The following ATF2 variants were observed in gnomAD, a reference collection of about 807,000 sequenced individuals.
ATF2 encodes the protein activating transcription factor 2, also known as cyclic AMP-dependent transcription factor ATF-2.
In ATF2, 24 loss-of-function variants were observed where a neutral mutation model predicts 60.6. That is an observed-to-expected ratio of 0.40 (90% CI 0.29 to 0.56). The LOEUF is 0.56. Ranked by LOEUF, ATF2 falls within the 20% of genes least tolerant of loss-of-function variation. ATF2 has a pLI of 0.54. For missense variants in ATF2, 433 were observed against 607.7 expected (o/e 0.71, Z 3.02); for synonymous variants, 206 against 215.4 (o/e 0.96, Z 0.38).
intron 1 of ATF2, among the ~76,000 whole-genome samples, chr2:175,157,046 A>T (rs905261380): frequency 1.3e-5 from 2 of 152,212 alleles, no homozygotes; most frequent in Non-Finnish European, 2.9e-5. Flanking sequence ...AAATTCACAT[A>T]AAGTTTCTAA....
At position 175,110,111 on chromosome 2, in the gene ATF2, G is replaced by A. The variant is rs574364371; in HGVS notation, c.828+1457C>T. 1.8e-3 allele frequency among the ~76,000 whole-genome samples: 275 copies of A among 152,182 alleles called. 2 individuals carry two copies. The highest frequency in any genetic ancestry group is 5.3e-3 in the African/African-American group (218 of 41,514). On this transcript the variant is annotated intron_variant, in intron 10 of 13. Transcript: ENST00000264110. ...CAACACTTTGGGAGGCTGGGGAGGG[G>A]GGATCACGAGGTCAGGAGTTCGAGA...
intron 2 of ATF2, among the ~76,000 whole-genome samples, chr2:175,146,453 A>G (rs1401292891): frequency 1.3e-5 from 2 of 152,198 alleles, no homozygotes; most frequent in Admixed American, 1.3e-4. Context: ...TTGTAACAGA[A>G]TGTCTTATTG....
At chr2:175,120,583 G>A (rs1310936335) in intron 5 of ATF2, among the ~76,000 whole-genome samples, 1 of 151,606 alleles carries the variant, frequency 6.6e-6, no homozygotes, top group Non-Finnish European at 1.5e-5. Flanking sequence ...GTATTTGGGT[G>A]TAATTCCAGA....
intron 1 of ATF2, among the ~76,000 whole-genome samples, chr2:175,162,449 C>G (rs910420514): frequency 1.3e-5 from 2 of 152,214 alleles, no homozygotes; most frequent in African/African-American, 4.8e-5. Context: ...AGGCAAAAAT[C>G]TGGCAACTGT....
intron 12 of ATF2, among the ~76,000 whole-genome samples, chr2:175,086,692 A>T (rs2105563975): frequency 6.6e-6 from 1 of 152,252 alleles, no homozygotes; most frequent in East Asian, 1.9e-4. Context: ...TACAGGAGTG[A>T]GCCACTGCTC....
intron 1 of ATF2, among the ~76,000 whole-genome samples, chr2:175,154,251 AT>A (rs1553515967): frequency 6.7e-6 from 1 of 148,892 alleles, no homozygotes; most frequent in South Asian, 2.1e-4. Flanking sequence ...ATATATATAT[AT>A]TTTTTACTTT....
chr2:175,138,420 C>A, intron 2 of ATF2, among the ~76,000 whole-genome samples: 1 of 152,140 alleles, frequency 6.6e-6, no homozygotes. Flanking sequence ...AATTAAGAAT[C>A]AAAACTATCA....
At chr2:175,074,874 T>C in intron 13 of ATF2, 39 bp from the exon 14 acceptor site, 1 of 1,607,898 alleles carries the variant, frequency 6.2e-7, no homozygotes, top group Non-Finnish European at 8.5e-7. Flanking sequence ...TTTCCTAAAA[T>C]CGGTAAGAAT....
chr2:175,135,360 G>C (rs960454896), intron 3 of ATF2, among the ~76,000 whole-genome samples: 1 of 152,098 alleles, frequency 6.6e-6, no homozygotes, highest in Non-Finnish European at 1.5e-5. Context: ...AGCCTCCCTA[G>C]CTCCAACTAC....
At chr2:175,115,456 T>C (rs1239912117) in intron 7 of ATF2, among the ~76,000 whole-genome samples, 1 of 152,194 alleles carries the variant, frequency 6.6e-6, no homozygotes, top group African/African-American at 2.4e-5. Flanking sequence ...GTGAACTCTT[T>C]CAAGTCAGGA....
At chr2:175,102,446 T>G (rs1269348214) in intron 10 of ATF2, among the ~76,000 whole-genome samples, 4 of 152,304 alleles carry the variant, frequency 2.6e-5, no homozygotes, top group South Asian at 2.1e-4. Flanking sequence ...GATTAAGTAC[T>G]CTAAGAAGTA....
chr2:175,081,622 C>T lies in ATF2; in HGVS notation c.1186-857G>A, dbSNP rs79398160. The stretch of plus-strand genomic sequence containing the variant: ...TTACAAATACTTCTACTTACTTGGA[C>T]TCACACAGTAACTATAACCATTCAG... On this transcript the variant is annotated intron_variant, in intron 12 of 13. Coordinates refer to ENST00000264110, the MANE Select transcript of ATF2 (RefSeq NM_001880.4). Among the ~76,000 whole-genome samples, 24 of 152,304 alleles carry T rather than the reference C, an allele frequency of 1.6e-4. 1 individual carries two copies. The East Asian group carries it at 4.6e-3, about 29-fold the overall frequency.
At chr2:175,121,613 A>C in intron 4 of ATF2, 73 bp from the exon 5 acceptor site, 1 of 1,176,726 alleles carries the variant, frequency 8.5e-7, no homozygotes, top group Non-Finnish European at 1.2e-6. Context: ...TAGGAAATTA[A>C]TTTCCACAAC....
chr2:175,118,520 G>A (rs1696738686), intron 5 of ATF2, 151 bp from the exon 6 acceptor site: 3 of 634,534 alleles, frequency 4.7e-6, no homozygotes, highest in Admixed American at 3.8e-5. Context: ...AACAAAATTT[G>A]GTTAAATTTT....
At chr2:175,076,929 C>T (rs13004455) in intron 13 of ATF2, among the ~76,000 whole-genome samples, 1 of 150,272 alleles carries the variant, frequency 6.7e-6, no homozygotes, top group African/African-American at 2.4e-5. Context: ...GTATATCTCC[C>T]AATGCTATCC....
At position 175,072,422 on chromosome 2, in the gene ATF2, CTAA is replaced by C. The variant is rs919184677; in HGVS notation, c.*2184_*2186del. 1.3e-5 allele frequency: 2 copies of C among 152,110 alleles called. No individual in the cohort carries two copies. Among genetic ancestry groups the C allele is most frequent in the African/African-American group, 4.8e-5 (2 of 41,438 alleles). The allele number at this position is 152,110 out of a possible 1,614,324, so 9.4% of individuals were successfully genotyped here. A position where few individuals can be genotyped will look rare whatever the true frequency, so the allele number is the denominator to read the frequency against. Reference sequence around the variant, plus strand: ...CAAAATGGAATTTGTGTTTATACAACTAATAATGATTTTTATTTGCTCAGTACA... The same window carrying C: ...CAAAATGGAATTTGTGTTTATACAACTAATGATTTTTATTTGCTCAGTACA... On this transcript the variant is annotated 3_prime_UTR_variant, in exon 14 of 14. Transcript: ENST00000264110.
intron 1 of ATF2, among the ~76,000 whole-genome samples, chr2:175,162,941 A>G (rs1045364368): frequency 3.9e-5 from 6 of 151,966 alleles, no homozygotes; most frequent in Admixed American, 6.6e-5. Context: ...AGACCATCCT[A>G]GCTAACACGG....
chr2:175,113,055 G>A (rs960585412), intron 9 of ATF2, among the ~76,000 whole-genome samples: 31 of 147,230 alleles, frequency 2.1e-4, no homozygotes, highest in Non-Finnish European at 2.1e-4. Flanking sequence ...AAGTAATATC[G>A]TAAATGATTT....
intron 1 of ATF2, among the ~76,000 whole-genome samples, chr2:175,165,132 T>G (rs1232908189): frequency 8.1e-5 from 1 of 12,304 alleles, no homozygotes; most frequent in Non-Finnish European, 4.1e-4. Flanking sequence ...TAAGGTGGGA[T>G]TTTTTTTAGG....
Sources: gnomAD v4.1 joint callset for allele counts (sites outside exome capture counted in the v4.1 genomes callset) on GRCh38, gnomAD v4.1.1 for gene constraint, MANE v1.5 for transcripts, NCBI Gene and HGNC (gene_info 2026-07-23, HGNC 2026-07-21) for gene names.